The following DRC7 variants were observed in gnomAD, a reference collection of about 807,000 sequenced individuals.
DRC7 encodes dynein regulatory complex subunit 7.
A neutral mutation model predicts 104.4 loss-of-function variants in DRC7; 80 were observed. The ratio of observed to expected loss-of-function variants is 0.77; its 90% confidence interval spans 0.64 to 0.92. The LOEUF is 0.92. DRC7 is among the 40% of genes least tolerant of loss of function. The probability of loss-of-function intolerance (pLI) is 0.00; values close to 1 mark genes in which losing one functional copy is unlikely to be tolerated. For synonymous variants in DRC7, 405 were observed against 447.3 expected, an observed-to-expected ratio of 0.91 and a Z score of 1.19; for missense variants, 1,034 against 1,141.1, an observed-to-expected ratio of 0.91 and a Z score of 1.35.
At chr16:57,698,300 C>A in intron 3 of DRC7, 148 bp downstream of exon 3, 1 of 1,294,930 alleles carries the variant, frequency 7.7e-7, no homozygotes, top group Non-Finnish European at 1.0e-6. Context: ...TTTCAAATGG[C>A]CTGGGCCGAG....
Position 57,727,901 on chromosome 16 carries a change from G to T in DRC7, c.2197-489G>T, listed in dbSNP as rs376955695. Among the ~76,000 whole-genome samples the T allele has an allele frequency of 5.0e-4, 76 of 152,358 alleles. 2 individuals are homozygous for T. In the South Asian group the frequency reaches 0.016, roughly 32 times the overall value. On this transcript the variant is annotated intron_variant, in intron 16 of 18. Transcript: ENST00000360716. ...GGGTCGTGAGGCAGGATGGGCATCA[G>T]ATGACTGTTCTCAGATCCCAGGGGA...
At position 57,730,940 on chromosome 16, in the gene DRC7, G is replaced by A; in HGVS notation, c.2401G>A (p.Glu801Lys). ...TGCCCTATGACCACAGGAGACCCAG[G>A]AGCTGCAAAAGAAGCAGCAGTGGTA... ...IQARFEKETQ[E>K]LQKKQQWYQE... Residue 801 changes from glutamate to lysine, a missense_variant, in exon 18 of 19, where the codon GAG (glutamate) becomes AAG (lysine). Physicochemically the swap from Glu to Lys is moderately conservative, Grantham distance 56 (BLOSUM62 1). Coordinates refer to ENST00000360716, the MANE Select transcript of DRC7 (RefSeq NM_001289162.2). The A allele has an allele frequency of 6.2e-7, 1 of 1,613,256 alleles. No individual in the cohort carries two copies. The highest frequency in any genetic ancestry group is 8.5e-7 in the Non-Finnish European group (1 of 1,179,892).
chr16:57,719,536 G>A (rs1285190692), intron 9 of DRC7, among the ~76,000 whole-genome samples: 1 of 151,758 alleles, frequency 6.6e-6, no homozygotes, highest in African/African-American at 2.4e-5. Context: ...TTTGAGACAG[G>A]GTCTCCTCTG....
Position 57,700,257 on chromosome 16 carries a change from A to G in DRC7, c.491A>G (p.Asp164Gly). ...TTCCTCACCATGGTGCCCCTGCCTG[A>G]CCCTCTCAAGCCGGTAAGCACCACT... ...SDFLTMVPLPDPLKPPSHLYS... is the reference protein window; with the variant it reads ...SDFLTMVPLPGPLKPPSHLYS... The change falls in exon 5 of 19, where the codon GAC becomes GGC. Residue 164 changes from aspartate (D) to glycine (G), a missense_variant. Transcript: ENST00000360716. 1 of 1,609,174 alleles carries G rather than the reference A, an allele frequency of 6.2e-7. No individual in the cohort carries two copies. Among genetic ancestry groups the G allele is most frequent in the Admixed American group, 1.7e-5 (1 of 59,660 alleles).
chr16:57,721,039 C>T (rs572663139), intron 9 of DRC7, among the ~76,000 whole-genome samples: 14 of 152,052 alleles, frequency 9.2e-5, no homozygotes, highest in East Asian at 5.8e-4. Context: ...CCTCCTCCCC[C>T]GGCCGTCTCT....
At chr16:57,725,902 C>A in intron 13 of DRC7, 166 bp from the exon 14 acceptor site, 1 of 639,578 alleles carries the variant, frequency 1.6e-6, no homozygotes, top group Non-Finnish European at 2.8e-6. Flanking sequence ...CCCTGAGAAC[C>A]CACGAAATCC....
At chr16:57,710,303 C>A in intron 8 of DRC7, among the ~76,000 whole-genome samples, 1 of 152,088 alleles carries the variant, frequency 6.6e-6, no homozygotes, top group South Asian at 2.1e-4. Flanking sequence ...TTAAATTTCA[C>A]CTTCTGACTA....
chr16:57,709,788 G>A (rs2048774208), intron 8 of DRC7, among the ~76,000 whole-genome samples: 1 of 152,046 alleles, frequency 6.6e-6, no homozygotes, highest in Admixed American at 6.6e-5. Context: ...TTTTATTTTT[G>A]AGACAGGGTC....
At chr16:57,727,146 G>T (rs1290142206) in intron 15 of DRC7, 153 bp from the exon 16 acceptor site, 4 of 694,970 alleles carry the variant, frequency 5.8e-6, no homozygotes, top group Non-Finnish European at 4.9e-6. Flanking sequence ...TTTTGTTTTT[G>T]TTTTTTAACA....
chr16:57,714,338 T>C (rs2048818814), intron 8 of DRC7: 1 of 159,068 alleles, frequency 6.3e-6, no homozygotes, highest in South Asian at 1.7e-4. Context: ...CTATGCACTC[T>C]GGTGGGGCAT....
intron 4 of DRC7, 29 bp from the exon 5 acceptor site, chr16:57,700,116 C>T: frequency 1.9e-6 from 3 of 1,608,674 alleles, no homozygotes; most frequent in Non-Finnish European, 2.6e-6. Flanking sequence ...ATTGCCTTGA[C>T]CCCACTGGCA....
chr16:57,722,534 C>A lies in DRC7; in HGVS notation c.1280-179C>A, dbSNP rs563371513. ...TCTGTGCTTCTGCCTGGCCTGAGAACCCCTCTAGGGCTGGAGCCACCCCTG... is the reference window on the plus strand; with the variant it reads ...TCTGTGCTTCTGCCTGGCCTGAGAAACCCTCTAGGGCTGGAGCCACCCCTG... On this transcript the variant is annotated intron_variant, in intron 10 of 18. Transcript: ENST00000360716. Among the ~76,000 whole-genome samples the A allele has an allele frequency of 2.0e-5, 3 of 152,222 alleles. No homozygotes were observed. The East Asian group carries it at 5.8e-4, about 30-fold the overall frequency.
chr16:57,707,604 T>A lies in DRC7; in HGVS notation c.1003T>A (p.Phe335Ile). Residue 335 changes from phenylalanine (F) to isoleucine (I), a missense_variant, in exon 8 of 19, where the codon TTC becomes ATC. Phe to Ile is a conservative substitution (Grantham distance 21). Transcript: ENST00000360716. Reference protein sequence around the residue: ...GHSYSTQDEHFLGIESLWNHK... With the variant: ...GHSYSTQDEHILGIESLWNHK... ...TAGCTACAGCACCCAGGATGAGCAC[T>A]TCCTGGGCATCGAAAGCCTGTGGAA... is the stretch of plus-strand genomic sequence containing the variant. 6.2e-7 allele frequency: 1 copy of A among 1,613,614 alleles called. No homozygotes were observed.
At chr16:57,727,880 C>T (rs902351499) in intron 16 of DRC7, among the ~76,000 whole-genome samples, 1 of 152,154 alleles carries the variant, frequency 6.6e-6, no homozygotes, top group Non-Finnish European at 1.5e-5. Flanking sequence ...GTTTGGGGGT[C>T]GTGAGGCAGG....
At position 57,731,073 on chromosome 16, in the gene DRC7, G is replaced by T. The variant is rs770144600; in HGVS notation, c.2531+3G>T. The T allele has an allele frequency of 6.2e-7, 1 of 1,613,760 alleles. No individual in the cohort carries two copies. The stretch of plus-strand genomic sequence containing the variant: ...ATCCTGGAGCAGCGCCTCAATCGGT[G>T]AGCAGGCAGGGCAGGTGGAGAGAAC... On this transcript the variant is annotated splice_donor_region_variant and intron_variant, in intron 18 of 18. Transcript: ENST00000360716.
chr16:57,715,360 T>G (rs544159849), intron 8 of DRC7, among the ~76,000 whole-genome samples: 29 of 152,218 alleles, frequency 1.9e-4, no homozygotes, highest in South Asian at 1.2e-3. Context: ...ACCTGCTTTT[T>G]TAATGGTCAT....
intron 16 of DRC7, among the ~76,000 whole-genome samples, chr16:57,727,878 G>A (rs2048990781): frequency 1.3e-5 from 2 of 152,222 alleles, no homozygotes; most frequent in Non-Finnish European, 2.9e-5. Flanking sequence ...TAGTTTGGGG[G>A]TCGTGAGGCA....
At chr16:57,704,725 G>A in intron 6 of DRC7, 151 bp from the exon 7 acceptor site, 1 of 731,142 alleles carries the variant, frequency 1.4e-6, no homozygotes, top group Non-Finnish European at 2.2e-6. Flanking sequence ...TGGAGCTGGA[G>A]CTGCATTTAG....
intron 14 of DRC7, 137 bp from the exon 15 acceptor site, chr16:57,726,695 A>C (rs1247552742): frequency 1.7e-6 from 1 of 588,850 alleles, no homozygotes; most frequent in African/African-American, 1.9e-5. Context: ...TAAGTGAGAA[A>C]ATTAAGGCTC....
Sources: allele counts gnomAD v4.1 joint callset (sites outside exome capture counted in the v4.1 genomes callset), GRCh38; gene constraint gnomAD v4.1.1; transcripts MANE v1.5; gene names NCBI Gene and HGNC (gene_info 2026-07-23, HGNC 2026-07-21).